Variants in FBXO8 observed in about 807,000 individuals in gnomAD.
FBXO8 encodes the protein F-box only protein 8.
A neutral mutation model predicts 33.4 loss-of-function variants in FBXO8; 15 were observed. That is an observed-to-expected ratio of 0.45 (90% CI 0.30 to 0.69). The LOEUF (loss-of-function observed/expected upper bound fraction) is 0.69, where lower values mean the gene tolerates loss of function less well. Among genes scored for constraint, FBXO8 ranks in the 30% least tolerant of loss-of-function variants. The pLI is 0.08. For missense variants in FBXO8, 274 were observed against 380.3 expected, an observed-to-expected ratio of 0.72 and a Z score of 2.32; for synonymous variants, 132 against 131.5, an observed-to-expected ratio of 1.00 and a Z score of -0.02.
At position 174,257,714 on chromosome 4, in the gene FBXO8, T is replaced by G. The variant is rs1736447743; in HGVS notation, c.456+1985A>C. Among the ~76,000 whole-genome samples, 1 of 152,094 alleles carries G rather than the reference T, an allele frequency of 6.6e-6. No individual in the cohort carries two copies. Among genetic ancestry groups the G allele is most frequent in the Non-Finnish European group, 1.5e-5 (1 of 68,004 alleles). On this transcript the variant is annotated intron_variant, in intron 3 of 5. Transcript: ENST00000393674. This position sits in a 1 kb window ranked among gnomAD's most constrained non-coding sequence, Gnocchi z 4.3. ...GAGACAGGGTCTCACTCTCACAGCT[T>G]ATTGCACTCTTGACCTCTGGGGCTA...
In FBXO8 at chr4:174,247,806, T is replaced by C. The variant is rs1736194246; in HGVS notation, c.457-6588A>G. Among the ~76,000 whole-genome samples the C allele has an allele frequency of 6.6e-6, 1 of 152,088 alleles. No individual in the cohort carries two copies. Among genetic ancestry groups the C allele is most frequent in the Non-Finnish European group, 1.5e-5 (1 of 67,964 alleles). On this transcript the variant is annotated intron_variant, in intron 3 of 5. Coordinates refer to ENST00000393674, the MANE Select transcript of FBXO8 (RefSeq NM_012180.3). This position sits in a 1 kb window ranked among gnomAD's most constrained non-coding sequence, Gnocchi z 4.6. ...ACATCCCCATTGTTTTGTTTGCAAA[T>C]AGCAGCAGCAATGGTTAAGATGACT...
At position 174,252,311 on chromosome 4, in the gene FBXO8, A is replaced by C. The variant is rs1195967137; in HGVS notation, c.456+7388T>G. On this transcript the variant is annotated intron_variant, in intron 3 of 5. Transcript: ENST00000393674. This position sits in a 1 kb window ranked among gnomAD's most constrained non-coding sequence, Gnocchi z 5.1. The stretch of plus-strand genomic sequence containing the variant: ...TTTAAAAATTTGCATTGAGGATTAC[A>C]TCTCAAACTCCTAAGAGTCTGGATA... 1.3e-5 allele frequency among the ~76,000 whole-genome samples: 2 copies of C among 152,178 alleles called. No individual in the cohort carries two copies. The highest frequency in any genetic ancestry group is 2.9e-5 in the Non-Finnish European group (2 of 68,024).
chr4:174,279,972 A>G (rs1737041515), intron 1 of FBXO8, among the ~76,000 whole-genome samples: 1 of 152,266 alleles, frequency 6.6e-6, no homozygotes, highest in African/African-American at 2.4e-5. Context: ...CACAAGCAAC[A>G]AAAGAGGAAA....
In FBXO8 at chr4:174,253,552, C is replaced by T. The variant is rs1177670210; in HGVS notation, c.456+6147G>A. Reference sequence around the variant, plus strand: ...CAGCAGAGACCAGAAACAAGGAAGGCTGAATCACATGTTTTAAGTGTATCA... The same window carrying T: ...CAGCAGAGACCAGAAACAAGGAAGGTTGAATCACATGTTTTAAGTGTATCA... On this transcript the variant is annotated intron_variant, in intron 3 of 5. Transcript: ENST00000393674. This position sits in a 1 kb window ranked among gnomAD's most constrained non-coding sequence, Gnocchi z 4.5. Among the ~76,000 whole-genome samples, 1 of 152,166 alleles carries T rather than the reference C, an allele frequency of 6.6e-6. No homozygotes were observed. The highest frequency in any genetic ancestry group is 6.5e-5 in the Admixed American group (1 of 15,272).
At position 174,237,553 on chromosome 4, in the gene FBXO8, G is replaced by A; in HGVS notation, c.819C>T (p.Asp273=). The A allele has an allele frequency of 6.2e-7, 1 of 1,613,582 alleles. No homozygotes were observed. The highest frequency in any genetic ancestry group is 8.5e-7 in the Non-Finnish European group (1 of 1,179,622). ...TATTCTTCACATGAGGGCTAGTGAG[G>A]TCAATGGAAAGTAGAATCAAAGAGT... ...LCYSLILLSI[D]LTSPHVKNKM... Residue 273 remains aspartate (D), a synonymous_variant, in exon 6 of 6, where the codon GAC becomes GAT. Coordinates refer to ENST00000393674, the MANE Select transcript of FBXO8 (RefSeq NM_012180.3). This position sits in a 1 kb window ranked among gnomAD's most constrained non-coding sequence, Gnocchi z 4.4.
rs1289935534 is a variant in FBXO8 at position 174,281,705 on chromosome 4, C to T, written c.-9+1705G>A. 2.6e-5 allele frequency among the ~76,000 whole-genome samples: 4 copies of T among 151,922 alleles called. No homozygotes were observed. The highest frequency in any genetic ancestry group is 7.3e-5 in the African/African-American group (3 of 41,348). ...AAAATCTGTCTCAAAAAAATACTTG[C>T]CCCAAATATGATATAAATTTATTCA... On this transcript the variant is annotated intron_variant, in intron 1 of 5. Transcript: ENST00000393674. The surrounding 1 kb of genome is among the most constrained non-coding windows in gnomAD (Gnocchi z 4.6).
rs764102075 is a variant in FBXO8, at chr4:174,257,872, G to A, written c.456+1827C>T. 3.9e-5 allele frequency among the ~76,000 whole-genome samples: 6 copies of A among 151,928 alleles called. No homozygotes were observed. Among genetic ancestry groups the A allele is most frequent in the Admixed American group, 6.6e-5 (1 of 15,232 alleles). On this transcript the variant is annotated intron_variant, in intron 3 of 5. Transcript: ENST00000393674. This position sits in a 1 kb window ranked among gnomAD's most constrained non-coding sequence, Gnocchi z 4.3. Reference sequence around the variant, plus strand: ...CCGGAGTAGCTGGGACCACAAGAATGCACCACAATGCCTAGCTAATTTTTT... The same window carrying A: ...CCGGAGTAGCTGGGACCACAAGAATACACCACAATGCCTAGCTAATTTTTT...
chr4:174,250,829 T>C (rs1001362739), intron 3 of FBXO8, among the ~76,000 whole-genome samples: 3 of 152,072 alleles, frequency 2.0e-5, no homozygotes, highest in African/African-American at 7.2e-5. Flanking sequence ...CTGGTAACAA[T>C]TGCTAAATTC....
Position 174,262,849 on chromosome 4 carries a change from T to C in FBXO8, c.244A>G (p.Ile82Val). The C allele has an allele frequency of 1.2e-6, 2 of 1,614,092 alleles. No homozygotes were observed. The highest frequency in any genetic ancestry group is 1.7e-6 in the Non-Finnish European group (2 of 1,179,942). The change falls in exon 2 of 6, where the codon ATC (isoleucine) becomes GTC (valine). Residue 82 changes from isoleucine (I) to valine (V), a missense_variant. Physicochemically the swap from Ile to Val is conservative, Grantham distance 29. Coordinates refer to ENST00000393674, the MANE Select transcript of FBXO8 (RefSeq NM_012180.3). This position sits in a 1 kb window ranked among gnomAD's most constrained non-coding sequence, Gnocchi z 4.6. ...TCAGTTGCATTCAGGTAGGACAAGA[T>C]GGTAAAGCTTAGCTCAGGAGGCAAC... ...EMLPPELSFT[I>V]LSYLNATDLC...
In FBXO8 at chr4:174,239,168, C is replaced by A; in HGVS notation, c.598G>T (p.Val200Leu). 1 of 1,584,250 alleles carries A rather than the reference C, an allele frequency of 6.3e-7. No homozygotes were observed. The highest frequency in any genetic ancestry group is 8.6e-7 in the Non-Finnish European group (1 of 1,163,930). Residue 200 changes from valine to leucine, a missense_variant, in exon 5 of 6, where the codon GTA becomes TTA. Around this residue, in one of 2 missense-constraint regions of FBXO8, gnomAD observed 186 missense variants for 293.4 expected, o/e 0.63. Coordinates refer to ENST00000393674, the MANE Select transcript of FBXO8 (RefSeq NM_012180.3). ...DERRDVLDDLVTLHNFRNQFL... is the reference protein window; with the variant it reads ...DERRDVLDDLLTLHNFRNQFL... Reference sequence around the variant, plus strand: ...TGATTTCTAAAATTATGCAATGTTACAAGGTCATCCAAGACATCTCTCCTA... The same window carrying A: ...TGATTTCTAAAATTATGCAATGTTAAAAGGTCATCCAAGACATCTCTCCTA...
intron 3 of FBXO8, among the ~76,000 whole-genome samples, chr4:174,258,476 T>C (rs891328132): frequency 3.3e-5 from 5 of 152,156 alleles, no homozygotes; most frequent in Non-Finnish European, 5.9e-5. Context: ...CATTAAGGTA[T>C]CAGTTTGCTA....
rs1392435424 is a variant in FBXO8, at chr4:174,241,178, G to A, written c.497C>T (p.Ser166Leu). ...YFMSKGILDDSPKEIAKFIFC... is the reference protein window; with the variant it reads ...YFMSKGILDDLPKEIAKFIFC... ...GATAAACTTTGCTATTTCCTTTGGC[G>A]AATCATCCAGGATACCCTTGGACAT... Residue 166 changes from serine (S) to leucine (L), a missense_variant, in exon 4 of 6, where the codon TCG becomes TTG. Physicochemically the swap from Ser to Leu is moderately radical, Grantham distance 145. This residue lies in a region of FBXO8 where 186 missense variants were observed against 293.4 expected (regional missense o/e 0.63). Coordinates refer to ENST00000393674, the MANE Select transcript of FBXO8 (RefSeq NM_012180.3). This position sits in a 1 kb window ranked among gnomAD's most constrained non-coding sequence, Gnocchi z 4.2. The A allele has an allele frequency of 1.9e-6, 3 of 1,609,342 alleles. No homozygotes were observed. Among genetic ancestry groups the A allele is most frequent in the Admixed American group, 1.7e-5 (1 of 59,722 alleles).
chr4:174,242,393 A>AT (rs1341517726), intron 3 of FBXO8, among the ~76,000 whole-genome samples: 1 of 151,574 alleles, frequency 6.6e-6, no homozygotes, highest in Non-Finnish European at 1.5e-5. Flanking sequence ...ACCACGAGGT[A>AT]ATGCTTTTGA....
Position 174,256,609 on chromosome 4 carries a change from A to G in FBXO8, c.456+3090T>C, listed in dbSNP as rs1028633538. On this transcript the variant is annotated intron_variant, in intron 3 of 5. Coordinates refer to ENST00000393674, the MANE Select transcript of FBXO8 (RefSeq NM_012180.3). The surrounding 1 kb of genome is among the most constrained non-coding windows in gnomAD (Gnocchi z 4.6). ...CATTATTTATGTTAGTCAATGAAAG[A>G]AAGTACAGAATATAGTCACTGAACT... Among the ~76,000 whole-genome samples, 8 of 152,222 alleles carry G rather than the reference A, an allele frequency of 5.3e-5. No homozygotes were observed. The highest frequency in any genetic ancestry group is 1.9e-4 in the African/African-American group (8 of 41,462).
rs1736176061 is a variant in FBXO8, at chr4:174,247,009, A to T, written c.457-5791T>A. Among the ~76,000 whole-genome samples, 1 of 152,062 alleles carries T rather than the reference A, an allele frequency of 6.6e-6. No individual in the cohort carries two copies. The highest frequency in any genetic ancestry group is 6.6e-5 in the Admixed American group (1 of 15,208). On this transcript the variant is annotated intron_variant, in intron 3 of 5. Transcript: ENST00000393674. This position sits in a 1 kb window ranked among gnomAD's most constrained non-coding sequence, Gnocchi z 4.6. ...GAGTGCCAAGCAGCAGTGAGAATCT[A>T]GGTGAAGTTAATGTGAATTCAGCCC...
rs1736028768 is a variant in FBXO8 at position 174,241,286 on chromosome 4, A to G, written c.457-68T>C. ...ATTTATGCATTTTAACAATTAAGCA[A>G]TAGCACAACAGTAGCTATAAATTCT... On this transcript the variant is annotated intron_variant, in intron 3 of 5. Coordinates refer to ENST00000393674, the MANE Select transcript of FBXO8 (RefSeq NM_012180.3). This position sits in a 1 kb window ranked among gnomAD's most constrained non-coding sequence, Gnocchi z 4.2. 8.2e-6 allele frequency: 7 copies of G among 855,586 alleles called. No individual in the cohort carries two copies. Among genetic ancestry groups the G allele is most frequent in the Non-Finnish European group, 1.3e-5 (7 of 528,302 alleles). The allele number at this position is 855,586 out of a possible 1,614,324, so 53.0% of individuals were successfully genotyped here. A position where few individuals can be genotyped will look rare whatever the true frequency, so the allele number is the denominator to read the frequency against.
At chr4:174,268,494 G>C (rs893951047) in intron 1 of FBXO8, among the ~76,000 whole-genome samples, 21 of 152,128 alleles carry the variant, frequency 1.4e-4, no homozygotes, top group African/African-American at 4.6e-4. Flanking sequence ...GTGCAGTGGC[G>C]CGATCTCGGC....
intron 1 of FBXO8, among the ~76,000 whole-genome samples, chr4:174,273,245 C>T (rs1343685635): frequency 6.6e-6 from 1 of 151,004 alleles, no homozygotes; most frequent in Non-Finnish European, 1.5e-5. Flanking sequence ...TAAGATTACA[C>T]TACTGCACTC....
chr4:174,268,966 A>G (rs969173899), intron 1 of FBXO8: 3 of 152,262 alleles, frequency 2.0e-5, no homozygotes, highest in African/African-American at 7.2e-5. Context: ...AGATACAAAT[A>G]AATGTTAGTG....
Sources: allele counts gnomAD v4.1 joint callset (sites outside exome capture counted in the v4.1 genomes callset), GRCh38; gene constraint gnomAD v4.1.1; regional missense constraint gnomAD v4.1.1; non-coding constraint Gnocchi (gnomAD v3.1); transcripts MANE v1.5; gene names NCBI Gene and HGNC (gene_info 2026-07-23, HGNC 2026-07-21).